Variants in TMEM132D observed in about 807,000 individuals in gnomAD.
The protein encoded by TMEM132D is transmembrane protein 132D.
TMEM132D carries 21 observed loss-of-function variants against 62.3 expected under a neutral mutation model. The observed-to-expected ratio is 0.34, with a 90% CI of 0.24 to 0.49. TMEM132D has a LOEUF of 0.49. TMEM132D is among the 20% of genes least tolerant of loss of function. The pLI, the probability that TMEM132D is intolerant of heterozygous loss-of-function variation, is 0.99. For synonymous variants in TMEM132D, 621 were observed against 575.6 expected (o/e 1.08, Z -1.13); for missense variants, 1,346 against 1,402.8 (o/e 0.96, Z 0.65).
rs551019541 is a variant in TMEM132D at position 129,466,279 on chromosome 12, CTTTTTTTTTTTTTTTTTTTTTTTTTT to C, written c.1115+64754_1115+64779del. ...TATAACAGTGGCTGGTAGATTTTTC[CTTTTTTTTTTTTTTTTTTTTTTTTTT>C]TTTTTTTTTTTTTTTTTTTAGAGAT... On this transcript the variant is annotated intron_variant, in intron 3 of 8. Transcript: ENST00000422113. Among the ~76,000 whole-genome samples, 34 of 100,384 alleles carry C rather than the reference CTTTTTTTTTTTTTTTTTTTTTTTTTT, an allele frequency of 3.4e-4. 1 individual carries two copies. The East Asian group carries it at 5.7e-3, about 17-fold the overall frequency. The allele number at this position is 100,384 out of a possible 152,430, so 65.9% of individuals were successfully genotyped here. A position where few individuals can be genotyped will look rare whatever the true frequency, so the allele number is the denominator to read the frequency against.
At chr12:129,533,310 C>T (rs188791269) in intron 2 of TMEM132D, among the ~76,000 whole-genome samples, 150 of 152,206 alleles carry the variant, frequency 9.9e-4, no homozygotes, top group Non-Finnish European at 1.7e-3. Context: ...AGACACTGGG[C>T]GAATAGTTAG....
chr12:129,651,306 T>C (rs1277475911), intron 2 of TMEM132D, among the ~76,000 whole-genome samples: 2 of 152,230 alleles, frequency 1.3e-5, no homozygotes, highest in Non-Finnish European at 2.9e-5. Context: ...CCAAGTCGCA[T>C]TGATACTACA....
At chr12:129,217,760 A>T (rs1343144799) in intron 4 of TMEM132D, among the ~76,000 whole-genome samples, 1 of 152,260 alleles carries the variant, frequency 6.6e-6, no homozygotes, top group East Asian at 1.9e-4. Context: ...GACATGAGAC[A>T]GTAGGCATAA....
chr12:129,217,057 C>T (rs1385013828), intron 4 of TMEM132D, among the ~76,000 whole-genome samples: 1 of 152,114 alleles, frequency 6.6e-6, no homozygotes, highest in South Asian at 2.1e-4. Context: ...TTAGAGATCA[C>T]TTGCCATTTT....
At chr12:129,579,421 T>TA (rs1379984129) in intron 2 of TMEM132D, among the ~76,000 whole-genome samples, 1 of 152,186 alleles carries the variant, frequency 6.6e-6, no homozygotes, top group African/African-American at 2.4e-5. Context: ...AGTCCCATGA[T>TA]AGACTATCTG....
intron 1 of TMEM132D, among the ~76,000 whole-genome samples, chr12:129,819,964 T>C (rs547775605): frequency 2.0e-5 from 3 of 152,204 alleles, no homozygotes; most frequent in East Asian, 3.9e-4. Context: ...ACCGTGGACA[T>C]GACTGCTCTC....
intron 2 of TMEM132D, among the ~76,000 whole-genome samples, chr12:129,578,808 C>T (rs1019255301): frequency 6.6e-5 from 10 of 152,188 alleles, no homozygotes; most frequent in Admixed American, 5.9e-4. Flanking sequence ...CAACCTTCCT[C>T]AATCTCTAGT....
intron 1 of TMEM132D, among the ~76,000 whole-genome samples, chr12:129,772,919 A>G (rs941374953): frequency 6.6e-6 from 1 of 152,248 alleles, no homozygotes; most frequent in Non-Finnish European, 1.5e-5. Flanking sequence ...TGGAGAAGAC[A>G]TAGATGCTGA....
chr12:129,504,906 T>C (rs1171304195), intron 3 of TMEM132D, among the ~76,000 whole-genome samples: 1 of 152,166 alleles, frequency 6.6e-6, no homozygotes, highest in Non-Finnish European at 1.5e-5. Flanking sequence ...TTTTTATAGG[T>C]TGTGTCACTA....
chr12:129,533,989 G>A (rs1876307436), intron 2 of TMEM132D, among the ~76,000 whole-genome samples: 1 of 152,206 alleles, frequency 6.6e-6, no homozygotes, highest in Non-Finnish European at 1.5e-5. Flanking sequence ...GGTGTGTGTT[G>A]GGTTAATAAT....
At chr12:129,498,379 G>C (rs1875026357) in intron 3 of TMEM132D, among the ~76,000 whole-genome samples, 2 of 152,066 alleles carry the variant, frequency 1.3e-5, no homozygotes, top group African/African-American at 4.8e-5. Context: ...TCAGCCTCCT[G>C]AGCACCCGGG....
At chr12:129,267,170 T>A (rs1450302640) in intron 4 of TMEM132D, among the ~76,000 whole-genome samples, 1 of 121,550 alleles carries the variant, frequency 8.2e-6, no homozygotes, top group African/African-American at 3.0e-5. Flanking sequence ...CTGTTGAGGG[T>A]TTTTTTTCTT....
rs145404523 is a variant in TMEM132D at position 129,073,564 on chromosome 12, G to A, written c.*311C>T. 638 of 267,556 alleles carry A rather than the reference G, an allele frequency of 2.4e-3. 1 individual carries two copies. The highest frequency in any genetic ancestry group is 0.013 in the African/African-American group (603 of 45,466). 16.6% of individuals were successfully genotyped at this position (267,556 alleles called of 1,614,324 possible). On this transcript the variant is annotated 3_prime_UTR_variant, in exon 9 of 9. Coordinates refer to ENST00000422113, the MANE Select transcript of TMEM132D (RefSeq NM_133448.3). The stretch of plus-strand genomic sequence containing the variant: ...TACAATATCCAAATTGCTTTGATTC[G>A]AGAGAGAGAGGCTGTTCTTTCCTGG...
chr12:129,197,844 A>G (rs1294627177), intron 5 of TMEM132D, among the ~76,000 whole-genome samples: 2 of 152,250 alleles, frequency 1.3e-5, no homozygotes, highest in African/African-American at 2.4e-5. Context: ...AACAGTGTGA[A>G]GATATAACCC....
chr12:129,607,706 G>A (rs1878665273), intron 2 of TMEM132D, among the ~76,000 whole-genome samples: 1 of 152,128 alleles, frequency 6.6e-6, no homozygotes, highest in Non-Finnish European at 1.5e-5. Context: ...CCGACTACAG[G>A]ATGAATAGAT....
intron 3 of TMEM132D, among the ~76,000 whole-genome samples, chr12:129,363,572 AT>A (rs553868877): frequency 1.4e-3 from 216 of 152,328 alleles, no homozygotes; most frequent in African/African-American, 4.5e-3. Context: ...GGTAAAAAAA[AT>A]AATTCCAATA....
intron 1 of TMEM132D, among the ~76,000 whole-genome samples, chr12:129,762,670 A>G (rs1376289312): frequency 6.6e-6 from 1 of 152,176 alleles, no homozygotes; most frequent in Non-Finnish European, 1.5e-5. Flanking sequence ...TTCTCCTGAC[A>G]TGGAACCTGG....
At position 129,356,425 on chromosome 12, in the gene TMEM132D, G is replaced by A. The variant is rs1182467384; in HGVS notation, c.1116-18608C>T. On this transcript the variant is annotated intron_variant, in intron 3 of 8. Coordinates refer to ENST00000422113, the MANE Select transcript of TMEM132D (RefSeq NM_133448.3). ...GCCCGCCTCGGCCTCCCAAAGTGCTGGGATTACAGGCGTGAGCCACCGCGC... is the reference window on the plus strand; with the variant it reads ...GCCCGCCTCGGCCTCCCAAAGTGCTAGGATTACAGGCGTGAGCCACCGCGC... Among the ~76,000 whole-genome samples, 2 of 26,080 alleles carry A rather than the reference G, an allele frequency of 7.7e-5. 1 individual carries two copies. Among genetic ancestry groups the A allele is most frequent in the Non-Finnish European group, 1.7e-4 (2 of 11,580 alleles). The allele number at this position is 26,080 out of a possible 152,430, so 17.1% of individuals were successfully genotyped here.
intron 3 of TMEM132D, among the ~76,000 whole-genome samples, chr12:129,343,770 A>C (rs144900562): frequency 0.017 from 2,387 of 140,936 alleles, 58 homozygotes; most frequent in African/African-American, 0.058. Flanking sequence ...ACAAAAAAAA[A>C]CAAAAAAAAA....
Sources: allele counts gnomAD v4.1 joint callset (sites outside exome capture counted in the v4.1 genomes callset), GRCh38; gene constraint gnomAD v4.1.1; transcripts MANE v1.5; gene names NCBI Gene and HGNC (gene_info 2026-07-23, HGNC 2026-07-21).